Variants in NELL2 observed in about 807,000 individuals in gnomAD.
The protein encoded by NELL2 is neural EGFL like 2, also known as protein kinase C-binding protein NELL2.
A neutral mutation model predicts 109.6 loss-of-function variants in NELL2; 41 were observed. The observed-to-expected ratio is 0.37, with a 90% CI of 0.29 to 0.49. The LOEUF is 0.49. Ranked by LOEUF, NELL2 falls within the 20% of genes least tolerant of loss-of-function variation. The pLI is 0.98. For synonymous variants in NELL2, 355 were observed against 344.7 expected, an observed-to-expected ratio of 1.03 and a Z score of -0.33; for missense variants, 900 against 1,008.3, an observed-to-expected ratio of 0.89 and a Z score of 1.45.
At chr12:44,538,551 T>G (rs773612270) in intron 15 of NELL2, among the ~76,000 whole-genome samples, 1 of 152,122 alleles carries the variant, frequency 6.6e-6, no homozygotes, top group African/African-American at 2.4e-5. Context: ...ACTGAAAGGT[T>G]ATTAATAGGA....
In NELL2 at chr12:44,522,021, A is replaced by G. The variant is rs1941561928; in HGVS notation, c.2154T>C (p.Asn718=). 2.5e-6 allele frequency: 4 copies of G among 1,613,812 alleles called. No individual in the cohort carries two copies. Among genetic ancestry groups the G allele is most frequent in the Admixed American group, 1.7e-5 (1 of 59,950 alleles). Residue 718 remains asparagine (N), a synonymous_variant, in exon 18 of 20, where the codon AAT becomes AAC. Transcript: ENST00000429094. The part of the protein sequence containing the change: ...LYNSGDTWVQ[N]CQQCRCLQGE... ...TTACCAAGCAGCGGCACTGTTGACAATTCTGGACCCAGGTGTCACCACTGT... is the reference window on the plus strand; with the variant it reads ...TTACCAAGCAGCGGCACTGTTGACAGTTCTGGACCCAGGTGTCACCACTGT...
At chr12:44,863,056 C>T (rs538545418) in intron 2 of NELL2, among the ~76,000 whole-genome samples, 21 of 152,212 alleles carry the variant, frequency 1.4e-4, no homozygotes, top group African/African-American at 4.8e-4. Context: ...AACCTGTCAT[C>T]TACATTAAGT....
intron 15 of NELL2, among the ~76,000 whole-genome samples, chr12:44,583,678 G>A (rs1271219713): frequency 2.0e-5 from 3 of 152,134 alleles, no homozygotes; most frequent in Non-Finnish European, 2.9e-5. Flanking sequence ...GGAAACATAC[G>A]AAATGAACAC....
At chr12:44,842,201 C>A (rs1296766139) in intron 2 of NELL2, among the ~76,000 whole-genome samples, 1 of 151,694 alleles carries the variant, frequency 6.6e-6, no homozygotes, top group East Asian at 1.9e-4. Flanking sequence ...GAAGGCCTTA[C>A]ACTACCTGAT....
At chr12:44,607,728 A>T (rs371495417) in intron 14 of NELL2, among the ~76,000 whole-genome samples, 3 of 152,122 alleles carry the variant, frequency 2.0e-5, no homozygotes, top group African/African-American at 7.2e-5. Flanking sequence ...GAAATGTTCC[A>T]TCCTTCAAAA....
At chr12:44,576,759 T>C (rs1054064993) in intron 15 of NELL2, among the ~76,000 whole-genome samples, 10 of 152,080 alleles carry the variant, frequency 6.6e-5, no homozygotes, top group African/African-American at 1.4e-4. Flanking sequence ...TGTGACCTCA[T>C]TGTTCAATTC....
chr12:44,816,079 A>G lies in NELL2; in HGVS notation c.242T>C (p.Leu81Pro), dbSNP rs1275465402. 1 of 1,613,560 alleles carries G rather than the reference A, an allele frequency of 6.2e-7. No homozygotes were observed. Among genetic ancestry groups the G allele is most frequent in the African/African-American group, 1.3e-5 (1 of 74,890 alleles). Reference sequence around the variant, plus strand: ...AATAGTAAATTCATGTTTATTTCTCAGCTTCTGAAAAAACTGTTCAGCTGT... The same window carrying G: ...AATAGTAAATTCATGTTTATTTCTCGGCTTCTGAAAAAACTGTTCAGCTGT... ...TATAEQFFQK[L>P]RNKHEFTILV... The change falls in exon 3 of 20, where the codon CTG becomes CCG. Residue 81 changes from leucine (L) to proline (P), a missense_variant. This residue lies in a region of NELL2 where 200 missense variants were observed against 191.8 expected (regional missense o/e 1.04). Coordinates refer to ENST00000429094, the MANE Select transcript of NELL2 (RefSeq NM_001145108.2).
upstream of NELL2, among the ~76,000 whole-genome samples, chr12:44,915,491 G>A (rs1945822070): frequency 1.3e-5 from 2 of 151,992 alleles, no homozygotes; most frequent in Admixed American, 6.6e-5. Flanking sequence ...CACAAATAAG[G>A]AACTGAGATG....
chr12:44,804,089 T>A (rs1416608329), intron 3 of NELL2, among the ~76,000 whole-genome samples: 1 of 151,918 alleles, frequency 6.6e-6, no homozygotes, highest in Non-Finnish European at 1.5e-5. Context: ...ACTGGCTGAA[T>A]TAAATGGGTT....
chr12:44,789,826 G>A (rs185328064), intron 3 of NELL2, among the ~76,000 whole-genome samples: 164 of 152,256 alleles, frequency 1.1e-3, no homozygotes, highest in African/African-American at 3.8e-3. Flanking sequence ...GAAATGCAAA[G>A]TGCTTTGGAA....
At chr12:44,876,758 CG>C, upstream of NELL2, 1 of 1,493,478 alleles carries the variant, frequency 6.7e-7, no homozygotes, top group Non-Finnish European at 8.9e-7. Flanking sequence ...GGAGCAGCCC[CG>C]GGGTGCAGGG....
intron 9 of NELL2, among the ~76,000 whole-genome samples, chr12:44,741,908 A>G (rs1204107717): frequency 6.6e-6 from 1 of 152,208 alleles, no homozygotes; most frequent in Non-Finnish European, 1.5e-5. Flanking sequence ...ACAAAAAGAC[A>G]GCAGTAACCT....
chr12:44,671,473 T>C (rs1337034204), intron 12 of NELL2, among the ~76,000 whole-genome samples: 2 of 151,742 alleles, frequency 1.3e-5, no homozygotes, highest in Non-Finnish European at 1.5e-5. Flanking sequence ...TATCAGACAA[T>C]ACAAAGAATT....
intron 2 of NELL2, among the ~76,000 whole-genome samples, chr12:44,827,809 T>G (rs1943763383): frequency 6.6e-6 from 1 of 152,212 alleles, no homozygotes; most frequent in African/African-American, 2.4e-5. Context: ...ACTGACTTCC[T>G]TTCTTTTGGG....
chr12:44,585,719 T>C (rs1229801876), intron 15 of NELL2, among the ~76,000 whole-genome samples: 1 of 151,764 alleles, frequency 6.6e-6, no homozygotes, highest in African/African-American at 2.4e-5. Context: ...CATGGGTATA[T>C]AAAATATACT....
chr12:44,829,789 CT>C (rs1194185104), intron 2 of NELL2, among the ~76,000 whole-genome samples: 1 of 151,838 alleles, frequency 6.6e-6, no homozygotes, highest in East Asian at 1.9e-4. Flanking sequence ...TAGATAGTAC[CT>C]GGTTATTTCT....
chr12:44,770,428 G>A (rs1391725659), intron 9 of NELL2, among the ~76,000 whole-genome samples: 3 of 152,114 alleles, frequency 2.0e-5, no homozygotes, highest in Non-Finnish European at 4.4e-5. Context: ...ATAAGTTGTG[G>A]AGTCAGAATT....
intron 1 of NELL2, among the ~76,000 whole-genome samples, chr12:44,911,595 A>G (rs1945780659): frequency 6.6e-6 from 1 of 152,050 alleles, no homozygotes; most frequent in Admixed American, 6.6e-5. Context: ...TGAATATATC[A>G]AAACTAAAAA....
intron 15 of NELL2, among the ~76,000 whole-genome samples, chr12:44,601,573 T>C (rs1789376572): frequency 6.6e-6 from 1 of 152,144 alleles, no homozygotes; most frequent in Admixed American, 6.6e-5. Context: ...TTAACCTTTC[T>C]CTTATAACAT....
Sources: allele counts gnomAD v4.1 joint callset (sites outside exome capture counted in the v4.1 genomes callset), GRCh38; gene constraint gnomAD v4.1.1; regional missense constraint gnomAD v4.1.1; transcripts MANE v1.5; gene names NCBI Gene and HGNC (gene_info 2026-07-23, HGNC 2026-07-21).